The following SEC16B variants were observed in gnomAD, a reference collection of about 807,000 sequenced individuals.
SEC16B encodes the protein SEC16 homolog B, endoplasmic reticulum export factor.
A neutral mutation model predicts 141.8 loss-of-function variants in SEC16B; 115 were observed. That is an observed-to-expected ratio of 0.81 (90% CI 0.70 to 0.95). SEC16B has a LOEUF of 0.95. SEC16B is among the 40% of genes least tolerant of loss of function. SEC16B has a pLI of 0.00. For missense variants in SEC16B, 1,291 were observed against 1,312.3 expected (o/e 0.98, Z 0.25); for synonymous variants, 493 against 492.5 (o/e 1.00, Z -0.01).
intron 1 of SEC16B, among the ~76,000 whole-genome samples, chr1:177,979,187 C>T (rs886369472): frequency 4.1e-4 from 62 of 152,144 alleles, no homozygotes; most frequent in African/African-American, 1.5e-3. Context: ...TATTTAAAAT[C>T]TATTTCATGT....
rs745476509 is a variant in SEC16B, at chr1:177,930,597, G to A, written c.3059C>T (p.Pro1020Leu). Reference protein sequence around the residue: ...LCSNPGVLLPPPALKGAVPLY... With the variant: ...LCSNPGVLLPLPALKGAVPLY... ...AGGAACAGCCCCTTTTAAGGCAGGT[G>A]GAGGAAGAAGAACACCAGGGTTGGA... Residue 1020 changes from proline to leucine, a missense_variant, in exon 25 of 26, where the codon CCA (proline) becomes CTA (leucine). Physicochemically the swap from Pro to Leu is moderately conservative, Grantham distance 98. Coordinates refer to ENST00000308284, the MANE Select transcript of SEC16B (RefSeq NM_033127.4). 1 of 1,613,762 alleles carries A rather than the reference G, an allele frequency of 6.2e-7. No individual in the cohort carries two copies. Among genetic ancestry groups the A allele is most frequent in the East Asian group, 2.2e-5 (1 of 44,874 alleles).
intron 1 of SEC16B, among the ~76,000 whole-genome samples, chr1:177,980,726 G>T (rs933901880): frequency 6.9e-6 from 1 of 145,466 alleles, no homozygotes; most frequent in Non-Finnish European, 1.5e-5. Context: ...GCAAAGAAAA[G>T]GTATCAACCC....
intron 11 of SEC16B, among the ~76,000 whole-genome samples, chr1:177,952,958 G>T (rs148959138): frequency 3.9e-3 from 586 of 151,968 alleles, no homozygotes; most frequent in Middle Eastern, 6.8e-3. Context: ...GCCCACCAGT[G>T]GTGCAGCCAT....
intron 10 of SEC16B, among the ~76,000 whole-genome samples, chr1:177,956,275 G>GT (rs1450626458): frequency 5.3e-5 from 8 of 152,084 alleles, no homozygotes; most frequent in African/African-American, 1.9e-4. Context: ...CTGAGTAGTT[G>GT]TAATAGAGAC....
At chr1:177,952,368 C>G (rs932974345) in intron 11 of SEC16B, among the ~76,000 whole-genome samples, 2 of 152,312 alleles carry the variant, frequency 1.3e-5, no homozygotes, top group South Asian at 2.1e-4. Context: ...TCGGCACCCC[C>G]CTTCTCAGCC....
intron 1 of SEC16B, 95 bp downstream of exon 1, chr1:177,969,789 T>C (rs1186753394): frequency 6.6e-6 from 1 of 152,230 alleles, no homozygotes; most frequent in African/African-American, 2.4e-5. Context: ...TGACCTTTCC[T>C]AGCCCCAGTA....
At chr1:177,982,641 A>G (rs1036958936) in intron 1 of SEC16B, among the ~76,000 whole-genome samples, 1 of 152,230 alleles carries the variant, frequency 6.6e-6, no homozygotes, top group Non-Finnish European at 1.5e-5. Context: ...GAGGAGTTCT[A>G]GGAAGCTGAG....
At chr1:177,980,294 T>A (rs1236428336) in intron 1 of SEC16B, among the ~76,000 whole-genome samples, 5 of 152,296 alleles carry the variant, frequency 3.3e-5, no homozygotes, top group South Asian at 4.1e-4. Context: ...GAATTTTTTT[T>A]AATTATCTCC....
At chr1:177,962,352 G>A (rs113539464) in intron 5 of SEC16B, among the ~76,000 whole-genome samples, 1 of 151,872 alleles carries the variant, frequency 6.6e-6, no homozygotes, top group Non-Finnish European at 1.5e-5. Context: ...TTACAGGCGT[G>A]AGCCACCATG....
In SEC16B at chr1:177,948,452, G is replaced by A. The variant is rs138449532; in HGVS notation, c.1546-510C>T. 6,773 of 1,303,982 alleles carry A rather than the reference G, an allele frequency of 5.2e-3. 33 individuals are homozygous for A. The highest frequency in any genetic ancestry group is 0.018 in the Middle Eastern group (84 of 4,696). 80.8% of individuals were successfully genotyped at this position (1,303,982 alleles called of 1,614,324 possible). A position where few individuals can be genotyped will look rare whatever the true frequency, so the allele number is the denominator to read the frequency against. The stretch of plus-strand genomic sequence containing the variant: ...ACACACATCCTCTTAATCTTCACAG[G>A]AACCCTATGAAGTCTAGTTCCTACT... On this transcript the variant is annotated intron_variant, in intron 12 of 25. Transcript: ENST00000308284.
chr1:177,980,760 A>G (rs75567016), intron 1 of SEC16B, among the ~76,000 whole-genome samples: 1,208 of 101,964 alleles, frequency 0.012, 22 homozygotes, highest in African/African-American at 0.038. Context: ...TTTCTCTGCG[A>G]AAAAAAAAAA....
chr1:177,939,077 T>C (rs547287169), intron 18 of SEC16B, among the ~76,000 whole-genome samples: 4 of 152,318 alleles, frequency 2.6e-5, no homozygotes, highest in African/African-American at 9.6e-5. Context: ...AGCCAAGGCC[T>C]GCCCTGCCCA....
At chr1:177,978,759 G>A (rs1654285688) in intron 1 of SEC16B, among the ~76,000 whole-genome samples, 1 of 151,106 alleles carries the variant, frequency 6.6e-6, no homozygotes, top group East Asian at 1.9e-4. Context: ...TAGCAGAAAA[G>A]TTCATTTCTA....
Position 177,965,056 on chromosome 1 carries a change from G to A in SEC16B, c.524C>T (p.Thr175Ile), listed in dbSNP as rs764871778. 12 of 1,613,312 alleles carry A rather than the reference G, an allele frequency of 7.4e-6. No individual in the cohort carries two copies. Among genetic ancestry groups the A allele is most frequent in the East Asian group, 6.7e-5 (3 of 44,842 alleles). The change falls in exon 4 of 26, where the codon ACC becomes ATC. Residue 175 changes from threonine (T) to isoleucine (I), a missense_variant. Thr to Ile is a moderately conservative substitution (Grantham distance 89). Coordinates refer to ENST00000308284, the MANE Select transcript of SEC16B (RefSeq NM_033127.4). Reference sequence around the variant, plus strand: ...CTCCTTTCACACTTACTGGAAGTGGGTCTCACTATTTGTTCCAAATGGACT... The same window carrying A: ...CTCCTTTCACACTTACTGGAAGTGGATCTCACTATTTGTTCCAAATGGACT... The part of the protein sequence containing the change: ...QHSPFGTNSE[T>I]HFQSNSRNPC...
chr1:177,977,965 G>T (rs1414020906), intron 1 of SEC16B, among the ~76,000 whole-genome samples: 6 of 152,168 alleles, frequency 3.9e-5, no homozygotes, highest in African/African-American at 1.4e-4. Flanking sequence ...ACCATAGAAA[G>T]TGCCTATTAA....
chr1:177,979,538 A>G (rs1308946474), intron 1 of SEC16B, among the ~76,000 whole-genome samples: 1 of 152,248 alleles, frequency 6.6e-6, no homozygotes, highest in Admixed American at 6.5e-5. Flanking sequence ...TTAGCATAGC[A>G]GGACAATTTC....
At chr1:177,950,883 A>AGGAGGAAGGAAGGAAAGAAG (rs1652134436) in intron 12 of SEC16B, among the ~76,000 whole-genome samples, 1 of 148,528 alleles carries the variant, frequency 6.7e-6, no homozygotes, top group Admixed American at 6.8e-5. Context: ...GAAGGAAGGA[A>AGGAGGAAGGAAGGAAAGAAG]GGAGGAAGGA....
At position 177,936,288 on chromosome 1, in the gene SEC16B, G is replaced by A; in HGVS notation, c.2571+10C>T. The A allele has an allele frequency of 3.1e-6, 5 of 1,605,658 alleles. No individual in the cohort carries two copies. The highest frequency in any genetic ancestry group is 4.3e-6 in the Non-Finnish European group (5 of 1,175,878). On this transcript the variant is annotated intron_variant, in intron 20 of 25. Coordinates refer to ENST00000308284, the MANE Select transcript of SEC16B (RefSeq NM_033127.4). ...TGGGCAGTGGCATCTTTTATGCTGT[G>A]CGCTCTCACCTGTGGTTTGGAAATG...
In SEC16B at chr1:177,932,682, C is replaced by T. The variant is rs778633136; in HGVS notation, c.2932+16G>A. ...AGGGGACCACCCATGGCCCAGAGGACGTGAGGTGACGGTACCTCTGCCCCT... is the reference window on the plus strand; with the variant it reads ...AGGGGACCACCCATGGCCCAGAGGATGTGAGGTGACGGTACCTCTGCCCCT... On this transcript the variant is annotated intron_variant, in intron 23 of 25. Coordinates refer to ENST00000308284, the MANE Select transcript of SEC16B (RefSeq NM_033127.4). The T allele has an allele frequency of 5.3e-5, 82 of 1,558,946 alleles. No homozygotes were observed. The highest frequency in any genetic ancestry group is 7.5e-5 in the Admixed American group (4 of 53,438).
Sources: gnomAD v4.1 joint callset for allele counts (sites outside exome capture counted in the v4.1 genomes callset) on GRCh38, gnomAD v4.1.1 for gene constraint, MANE v1.5 for transcripts, NCBI Gene and HGNC (gene_info 2026-07-23, HGNC 2026-07-21) for gene names.